The following PMFBP1 variants were observed in gnomAD, a reference collection of about 807,000 sequenced individuals.
The protein encoded by PMFBP1 is polyamine-modulated factor 1-binding protein 1.
In PMFBP1, 131 loss-of-function variants were observed where a neutral mutation model predicts 137.8. That is an observed-to-expected ratio of 0.95 (90% CI 0.82 to 1.10). PMFBP1 has a LOEUF of 1.10. Ranked by LOEUF, PMFBP1 falls within the 50% of genes least tolerant of loss-of-function variation. PMFBP1 has a pLI of 0.00. For synonymous variants in PMFBP1, 490 were observed against 450.4 expected (o/e 1.09, Z -1.11); for missense variants, 1,199 against 1,175.4 (o/e 1.02, Z -0.29).
chr16:72,125,047 C>T, intron 16 of PMFBP1, 113 bp from the exon 17 acceptor site: 3 of 1,431,330 alleles, frequency 2.1e-6, no homozygotes, highest in South Asian at 2.7e-5. Context: ...GGGGTATTTT[C>T]TTCTCAGTGG....
chr16:72,150,778 T>TCTC lies in PMFBP1; in HGVS notation c.463_465dup (p.Glu155dup). 6.2e-7 allele frequency: 1 copy of TCTC among 1,614,166 alleles called. No individual in the cohort carries two copies. The highest frequency in any genetic ancestry group is 8.5e-7 in the Non-Finnish European group (1 of 1,180,018). Reference sequence around the variant, plus strand: ...AGTTGCTCCTGCGCCAAATGGAGCTTCTCCCCTGTGTTCTCGTTGTGATTT... The same window carrying TCTC: ...AGTTGCTCCTGCGCCAAATGGAGCTTCTCCTCCCCTGTGTTCTCGTTGTGATTT... On this transcript the variant is annotated inframe_insertion, in exon 5 of 21. Coordinates refer to ENST00000237353, the MANE Select transcript of PMFBP1 (RefSeq NM_031293.3).
intron 5 of PMFBP1, among the ~76,000 whole-genome samples, chr16:72,146,817 G>A (rs2042814405): frequency 6.6e-6 from 1 of 152,126 alleles, no homozygotes; most frequent in South Asian, 2.1e-4. Flanking sequence ...CAACTTACAA[G>A]GGATGTGAAG....
At chr16:72,190,904 G>A in the PMFBP1 span, among the ~76,000 whole-genome samples, 1 of 152,174 alleles carries the variant, frequency 6.6e-6, no homozygotes, top group Admixed American at 6.5e-5. Flanking sequence ...CTTCCTTAAC[G>A]GAGTACCAGG....
the PMFBP1 span, among the ~76,000 whole-genome samples, chr16:72,228,223 AG>A: frequency 1.3e-5 from 2 of 152,110 alleles, no homozygotes; most frequent in Non-Finnish European, 2.9e-5. Flanking sequence ...AGCATTTCTG[AG>A]GAATGCTAAG....
chr16:72,136,955 G>A (rs2042642055), intron 7 of PMFBP1, 136 bp from the exon 8 acceptor site: 4 of 1,191,722 alleles, frequency 3.4e-6, no homozygotes, highest in South Asian at 2.9e-5. Context: ...CCAGGGGATG[G>A]GTGTGCGGAG....
At chr16:72,235,870 A>C in the PMFBP1 span, among the ~76,000 whole-genome samples, 1 of 152,122 alleles carries the variant, frequency 6.6e-6, no homozygotes, top group Non-Finnish European at 1.5e-5. Context: ...CTTGTTCACT[A>C]GTTGTAAGAG....
intron 4 of PMFBP1, 86 bp from the exon 5 acceptor site, chr16:72,150,915 G>T: frequency 1.7e-6 from 2 of 1,171,092 alleles, no homozygotes; most frequent in Non-Finnish European, 2.5e-6. Context: ...CTGCAGAGAA[G>T]TCTTGTATCT....
At chr16:72,133,023 G>C (rs1000879243) in intron 9 of PMFBP1, 32 bp from the exon 10 acceptor site, 1 of 1,610,514 alleles carries the variant, frequency 6.2e-7, no homozygotes, top group African/African-American at 1.3e-5. Context: ...TGCTGGGAAA[G>C]GTCTGAGTGG....
rs200217316 is a variant in PMFBP1, at chr16:72,140,604, G to T, written c.637-22C>A. 2.5e-6 allele frequency: 4 copies of T among 1,601,462 alleles called. No individual in the cohort carries two copies. The East Asian group carries it at 8.9e-5, about 36-fold the overall frequency. On this transcript the variant is annotated intron_variant, in intron 5 of 20. Coordinates refer to ENST00000237353, the MANE Select transcript of PMFBP1 (RefSeq NM_031293.3). Reference sequence around the variant, plus strand: ...GCTCCTGAGAGATTTAAAAATAATGGGTTGATTTTGCTTATAGTTTGTGAG... The same window carrying T: ...GCTCCTGAGAGATTTAAAAATAATGTGTTGATTTTGCTTATAGTTTGTGAG...
chr16:72,241,464 T>G, the PMFBP1 span, among the ~76,000 whole-genome samples: 2 of 152,242 alleles, frequency 1.3e-5, no homozygotes, highest in African/African-American at 4.8e-5. Context: ...CCATCATACC[T>G]AACAGTGGGT....
chr16:72,199,665 A>G, the PMFBP1 span, among the ~76,000 whole-genome samples: 1 of 151,776 alleles, frequency 6.6e-6, no homozygotes, highest in Non-Finnish European at 1.5e-5. Flanking sequence ...AAAAAAAAAA[A>G]AAAAAAAAGT....
chr16:72,140,143 T>C (rs1359613405), intron 6 of PMFBP1, among the ~76,000 whole-genome samples: 1 of 152,244 alleles, frequency 6.6e-6, no homozygotes, highest in Admixed American at 6.5e-5. Flanking sequence ...TCTTCAATTA[T>C]TTCTCTTAAT....
the PMFBP1 span, among the ~76,000 whole-genome samples, chr16:72,232,127 A>G: frequency 1.3e-5 from 2 of 152,210 alleles, no homozygotes; most frequent in Non-Finnish European, 2.9e-5. Context: ...AGCTGTGACT[A>G]TAATGTTCAC....
chr16:72,160,553 T>A (rs2043046436), intron 3 of PMFBP1, among the ~76,000 whole-genome samples: 1 of 152,214 alleles, frequency 6.6e-6, no homozygotes, highest in Admixed American at 6.5e-5. Context: ...AGGTTGGCAT[T>A]GTTCTGATAA....
intron 4 of PMFBP1, among the ~76,000 whole-genome samples, chr16:72,153,078 G>C (rs1476926919): frequency 6.6e-6 from 1 of 152,130 alleles, no homozygotes; most frequent in Non-Finnish European, 1.5e-5. Flanking sequence ...CTGCTAAATA[G>C]AATCCCAACT....
chr16:72,117,929 G>A (rs564857516), downstream of PMFBP1, among the ~76,000 whole-genome samples: 37 of 152,236 alleles, frequency 2.4e-4, no homozygotes, highest in Middle Eastern at 3.4e-3. Context: ...TGTCACAGTC[G>A]GATGGCTGGG....
chr16:72,166,095 G>C (rs1008529481), intron 2 of PMFBP1, among the ~76,000 whole-genome samples: 3 of 152,156 alleles, frequency 2.0e-5, no homozygotes, highest in African/African-American at 7.2e-5. Context: ...CCGTTACTGA[G>C]TTTTAAATCT....
chr16:72,157,569 G>A (rs989853801), intron 3 of PMFBP1, among the ~76,000 whole-genome samples: 5 of 152,130 alleles, frequency 3.3e-5, no homozygotes, highest in African/African-American at 9.7e-5. Context: ...GGGGAAAGCT[G>A]TGCCTGATGG....
At chr16:72,201,532 G>A in the PMFBP1 span, among the ~76,000 whole-genome samples, 1 of 152,128 alleles carries the variant, frequency 6.6e-6, no homozygotes, top group Admixed American at 6.5e-5. Context: ...TCCAGAATAC[G>A]ATGGGGAACA....
Sources: gnomAD v4.1 joint callset for allele counts (sites outside exome capture counted in the v4.1 genomes callset) on GRCh38, gnomAD v4.1.1 for gene constraint, MANE v1.5 for transcripts, NCBI Gene and HGNC (gene_info 2026-07-23, HGNC 2026-07-21) for gene names.